CTCF: variants seen among roughly 807,000 people sequenced by gnomAD.
CTCF encodes CCCTC-binding factor, also known as transcriptional repressor CTCF.
Under a neutral mutation model 72.3 loss-of-function variants are expected in CTCF, and 7 were observed. The observed-to-expected ratio is 0.10, with a 90% confidence interval of 0.06 to 0.18. CTCF has a LOEUF of 0.18. Ranked by LOEUF, CTCF falls within the 10% of genes least tolerant of loss-of-function variation. CTCF has a pLI of 1.00. For missense variants in CTCF, 516 were observed against 949.1 expected (o/e 0.54, Z 6.00); for synonymous variants, 374 against 315.8 (o/e 1.18, Z -1.95).
intron 7 of CTCF, among the ~76,000 whole-genome samples, chr16:67,624,174 CAT>C (rs553796293): frequency 1.4e-4 from 13 of 92,966 alleles, no homozygotes; most frequent in Non-Finnish European, 2.2e-4. Context: ...TATATGTATT[CAT>C]ATATATATGT....
chr16:67,634,296 C>T (rs2142881788), intron 10 of CTCF, among the ~76,000 whole-genome samples: 1 of 152,102 alleles, frequency 6.6e-6, no homozygotes, highest in Admixed American at 6.5e-5. Flanking sequence ...CAACCTCCGC[C>T]TCCCAGGTTC....
intron 8 of CTCF, chr16:67,627,802 G>A (rs1231409062): frequency 3.3e-5 from 5 of 152,590 alleles, no homozygotes. Context: ...AGCTGGGCGT[G>A]GTGGTGGGTG....
chr16:67,586,462 G>A (rs2051670066), intron 2 of CTCF, among the ~76,000 whole-genome samples: 1 of 151,680 alleles, frequency 6.6e-6, no homozygotes, highest in Admixed American at 6.6e-5. Flanking sequence ...CTTGAACCCG[G>A]GAGGCAGAGG....
rs545560773 is a variant in CTCF, at chr16:67,634,498, A to G, written c.1838-2192A>G. ...GCTGGGATTACAGGCGTGAGCCACC[A>G]TGCCCAGCCTAAATGGGCTTTTTTT... On this transcript the variant is annotated intron_variant, in intron 10 of 11. Coordinates refer to ENST00000264010, the MANE Select transcript of CTCF (RefSeq NM_006565.4). Among the ~76,000 whole-genome samples the G allele has an allele frequency of 1.9e-4, 27 of 145,672 alleles. No individual in the cohort carries two copies. The South Asian group carries it at 4.8e-3, about 26-fold the overall frequency.
intron 2 of CTCF, among the ~76,000 whole-genome samples, chr16:67,603,743 T>G (rs1037251437): frequency 6.6e-6 from 1 of 151,208 alleles, no homozygotes; most frequent in Non-Finnish European, 1.5e-5. Context: ...GAGAATGGCG[T>G]TAACCCAGTA....
At chr16:67,595,100 T>C (rs2051794144) in intron 2 of CTCF, among the ~76,000 whole-genome samples, 1 of 152,144 alleles carries the variant, frequency 6.6e-6, no homozygotes, top group Non-Finnish European at 1.5e-5. Context: ...GCATCACCAA[T>C]CATGAATTTT....
At chr16:67,573,898 G>T (rs900989905) in intron 2 of CTCF, among the ~76,000 whole-genome samples, 1 of 152,064 alleles carries the variant, frequency 6.6e-6, no homozygotes, top group South Asian at 2.1e-4. Context: ...GGGCGTTGTG[G>T]TGCGTGCCTG....
intron 2 of CTCF, among the ~76,000 whole-genome samples, chr16:67,574,344 C>G (rs1330011481): frequency 6.6e-6 from 1 of 151,996 alleles, no homozygotes; most frequent in Non-Finnish European, 1.5e-5. Context: ...AAGAGGACTA[C>G]TTTATTTATT....
chr16:67,627,475 A>G (rs2052305264), intron 8 of CTCF: 1 of 151,906 alleles, frequency 6.6e-6, no homozygotes, highest in Admixed American at 6.6e-5. Context: ...TGGGTGGCAG[A>G]GCGAGACTCT....
In CTCF at chr16:67,626,734, AGTT is replaced by A. The variant is rs759322657; in HGVS notation, c.1518+24_1518+26del. ...TAGACAGGTAGGAACCTTCATTGAA[AGTT>A]GTTGGTGCTTTCTCGGTGTCTGGTG... On this transcript the variant is annotated intron_variant, in intron 8 of 11. Coordinates refer to ENST00000264010, the MANE Select transcript of CTCF (RefSeq NM_006565.4). 2.2e-6 allele frequency: 3 copies of A among 1,387,406 alleles called. No individual in the cohort carries two copies. In the East Asian group the frequency reaches 7.9e-5, roughly 36 times the overall value. 85.9% of individuals were successfully genotyped at this position (1,387,406 alleles called of 1,614,324 possible).
At chr16:67,598,805 T>C (rs926049625) in intron 2 of CTCF, among the ~76,000 whole-genome samples, 1 of 152,232 alleles carries the variant, frequency 6.6e-6, no homozygotes, top group Non-Finnish European at 1.5e-5. Flanking sequence ...AAGCCTAGAC[T>C]AGAATGCTGA....
intron 8 of CTCF, 104 bp downstream of exon 8, chr16:67,626,819 C>A: frequency 1.2e-6 from 1 of 823,094 alleles, no homozygotes; most frequent in Non-Finnish European, 1.7e-6. Context: ...ATAGTATTTT[C>A]AAACTGTGGA....
intron 4 of CTCF, 27 bp from the exon 5 acceptor site, chr16:67,616,718 C>T (rs750416901): frequency 4.2e-5 from 68 of 1,613,304 alleles, no homozygotes; most frequent in Non-Finnish European, 5.6e-5. Context: ...TGATCTTGCT[C>T]TTCCTGTTAC....
intron 2 of CTCF, among the ~76,000 whole-genome samples, chr16:67,591,520 T>C (rs1015969889): frequency 3.9e-5 from 6 of 152,236 alleles, no homozygotes; most frequent in East Asian, 1.9e-4. Context: ...TTTGCTTTGA[T>C]GTATTTTAAG....
At chr16:67,636,884 G>C (rs199650187) in intron 11 of CTCF, 33 bp downstream of exon 11, 2 of 1,450,556 alleles carry the variant, frequency 1.4e-6, no homozygotes, top group Admixed American at 4.6e-5. Flanking sequence ...GGAGGCTGGC[G>C]TCTTCTCCGA....
Position 67,628,513 on chromosome 16 carries a change from T to C in CTCF, c.1662T>C (p.Ala554=), listed in dbSNP as rs768366057. 2 of 1,614,244 alleles carry C rather than the reference T, an allele frequency of 1.2e-6. No homozygotes were observed. The highest frequency in any genetic ancestry group is 1.7e-6 in the Non-Finnish European group (2 of 1,180,054). The part of the protein sequence containing the change: ...RYHDPNFVPA[A]FVCSKCGKTF... ...ACGACCCCAACTTCGTCCCTGCGGC[T>C]TTTGTCTGTTCTAAGTGTGGGAAAA... The change falls in exon 9 of 12, where the codon GCT becomes GCC. Residue 554 remains alanine (A), a synonymous_variant. Coordinates refer to ENST00000264010, the MANE Select transcript of CTCF (RefSeq NM_006565.4).
rs1167551761 is a variant in CTCF, at chr16:67,611,381, T to A, written c.549T>A (p.Leu183=). 6.2e-7 allele frequency: 1 copy of A among 1,614,002 alleles called. No individual in the cohort carries two copies. Among genetic ancestry groups the A allele is most frequent in the Non-Finnish European group, 8.5e-7 (1 of 1,180,002 alleles). The change falls in exon 3 of 12, where the codon CTT becomes CTA. Residue 183 remains leucine, a synonymous_variant. Coordinates refer to ENST00000264010, the MANE Select transcript of CTCF (RefSeq NM_006565.4). ...GEVETLEQGE[L]PPQEDPSWQK... ...TGGAGACACTAGAACAAGGGGAACT[T>A]CCACCCCAGGAAGATCCTAGTTGGC...
chr16:67,565,294 G>C (rs939545750), intron 1 of CTCF, among the ~76,000 whole-genome samples: 1 of 151,812 alleles, frequency 6.6e-6, no homozygotes, highest in African/African-American at 2.4e-5. Flanking sequence ...GAGCCATCTC[G>C]CCAGGCCAGG....
intron 7 of CTCF, among the ~76,000 whole-genome samples, chr16:67,623,834 G>A (rs914383161): frequency 3.9e-5 from 6 of 152,050 alleles, no homozygotes; most frequent in Non-Finnish European, 7.4e-5. Context: ...CGGATCACAA[G>A]GTCAGGAGAT....
Sources: allele counts gnomAD v4.1 joint callset (sites outside exome capture counted in the v4.1 genomes callset), GRCh38; gene constraint gnomAD v4.1.1; transcripts MANE v1.5; gene names NCBI Gene and HGNC (gene_info 2026-07-23, HGNC 2026-07-21).